Variants in CTNNA2 observed in about 807,000 individuals in gnomAD.
The protein encoded by CTNNA2 is catenin alpha 2, also known as catenin alpha-2.
In CTNNA2, 42 loss-of-function variants were observed where a neutral mutation model predicts 101.0. The ratio of observed to expected loss-of-function variants is 0.42; its 90% CI spans 0.32 to 0.54. The LOEUF is 0.54. CTNNA2 is among the 20% of genes least tolerant of loss of function. CTNNA2 has a pLI of 0.14. For synonymous variants in CTNNA2, 450 were observed against 456.4 expected, an observed-to-expected ratio of 0.99 and a Z score of 0.18; for missense variants, 871 against 1,223.1, an observed-to-expected ratio of 0.71 and a Z score of 4.29.
chr2:79,862,558 C>A (rs567806071), intron 4 of CTNNA2, among the ~76,000 whole-genome samples: 1 of 152,308 alleles, frequency 6.6e-6, no homozygotes, highest in African/African-American at 2.4e-5. Context: ...TTTAGCATAT[C>A]TTTTCTGTCA....
chr2:79,581,586 A>G (rs534652362), intron 1 of CTNNA2, among the ~76,000 whole-genome samples: 6 of 152,060 alleles, frequency 3.9e-5, no homozygotes, highest in Admixed American at 2.6e-4. Context: ...GCCTCTTCCC[A>G]TTTTTTTCAC....
intron 6 of CTNNA2, among the ~76,000 whole-genome samples, chr2:79,882,917 C>G (rs1024014863): frequency 1.1e-5 from 1 of 92,946 alleles, no homozygotes; most frequent in South Asian, 4.4e-4. Context: ...CATGCTCACT[C>G]ACTGCCTTCC....
chr2:79,843,283 A>G (rs1679966828), intron 3 of CTNNA2, among the ~76,000 whole-genome samples: 1 of 152,224 alleles, frequency 6.6e-6, no homozygotes, highest in African/African-American at 2.4e-5. Context: ...GTGGATAACA[A>G]ATAGATCTAT....
intron 9 of CTNNA2, among the ~76,000 whole-genome samples, chr2:80,494,363 A>G (rs374682516): frequency 2.6e-5 from 4 of 152,240 alleles, no homozygotes; most frequent in African/African-American, 9.6e-5. Flanking sequence ...TAAAGAACAG[A>G]CAAATATGAA....
At chr2:80,404,806 T>C (rs1037688385) in intron 8 of CTNNA2, among the ~76,000 whole-genome samples, 1 of 152,184 alleles carries the variant, frequency 6.6e-6, no homozygotes, top group Non-Finnish European at 1.5e-5. Context: ...GTTGGTACAA[T>C]TATTGGGTAA....
intron 7 of CTNNA2, among the ~76,000 whole-genome samples, chr2:79,960,356 A>G (rs1221244867): frequency 6.6e-6 from 1 of 152,220 alleles, no homozygotes; most frequent in Admixed American, 6.5e-5. Context: ...AGGAAACACA[A>G]TATTGTTTAT....
At chr2:79,300,709 G>A (rs1676088401) in intron 2 of CTNNA2, among the ~76,000 whole-genome samples, 1 of 152,094 alleles carries the variant, frequency 6.6e-6, no homozygotes, top group Admixed American at 6.6e-5. Flanking sequence ...AACTAGTTCA[G>A]ACTCTCATCA....
At chr2:79,547,490 C>G (rs1466675033) in intron 1 of CTNNA2, 1 of 152,510 alleles carries the variant, frequency 6.6e-6, no homozygotes, top group Non-Finnish European at 1.5e-5. Flanking sequence ...TGGCTTCTCT[C>G]CAGCAGGGTT....
At chr2:80,054,129 C>T (rs1043918097) in intron 7 of CTNNA2, among the ~76,000 whole-genome samples, 1 of 152,210 alleles carries the variant, frequency 6.6e-6, no homozygotes, top group African/African-American at 2.4e-5. Flanking sequence ...TTGTATGCCA[C>T]TGCTCAGTTT....
intron 7 of CTNNA2, among the ~76,000 whole-genome samples, chr2:80,245,538 T>C (rs1671253778): frequency 6.6e-6 from 1 of 152,152 alleles, no homozygotes; most frequent in Non-Finnish European, 1.5e-5. Flanking sequence ...ATTTCACTTC[T>C]GCCTTCTATG....
At chr2:80,431,684 T>G (rs1346164544) in intron 9 of CTNNA2, among the ~76,000 whole-genome samples, 1 of 152,192 alleles carries the variant, frequency 6.6e-6, no homozygotes, top group East Asian at 1.9e-4. Flanking sequence ...CCATCACTCC[T>G]TATTGTACTC....
At chr2:80,129,375 GCTGT>G (rs2148891883) in intron 7 of CTNNA2, among the ~76,000 whole-genome samples, 1 of 152,296 alleles carries the variant, frequency 6.6e-6, no homozygotes, top group Non-Finnish European at 1.5e-5. Flanking sequence ...GCGAGTTAAA[GCTGT>G]CAGTCAACTG....
chr2:79,245,221 C>T (rs943578094), intron 2 of CTNNA2, among the ~76,000 whole-genome samples: 14 of 152,132 alleles, frequency 9.2e-5, no homozygotes, highest in African/African-American at 3.4e-4. Flanking sequence ...GAGGCAGAGG[C>T]GGGCAGATCA....
chr2:79,594,791 G>T (rs979569615), intron 1 of CTNNA2, among the ~76,000 whole-genome samples: 3 of 151,684 alleles, frequency 2.0e-5, no homozygotes, highest in African/African-American at 7.3e-5. Context: ...TATACTCTGA[G>T]CCCACAAGCA....
chr2:80,465,380 T>C (rs1250403332), intron 9 of CTNNA2, among the ~76,000 whole-genome samples: 1 of 146,038 alleles, frequency 6.8e-6, no homozygotes, highest in Non-Finnish European at 1.5e-5. Flanking sequence ...TGTTTATTGG[T>C]GTACTTCCCT....
chr2:80,068,433 A>T (rs1432510235), intron 7 of CTNNA2, among the ~76,000 whole-genome samples: 1 of 152,152 alleles, frequency 6.6e-6, no homozygotes, highest in East Asian at 1.9e-4. Flanking sequence ...ATGGAGTTGA[A>T]TTTCCTTCAT....
intron 1 of CTNNA2, among the ~76,000 whole-genome samples, chr2:79,513,835 T>G (rs576280204): frequency 4.6e-5 from 7 of 152,120 alleles, no homozygotes; most frequent in Non-Finnish European, 1.5e-5. Flanking sequence ...ATATTTCCAG[T>G]GTGTGTCTCA....
intron 7 of CTNNA2, among the ~76,000 whole-genome samples, chr2:79,976,147 T>C (rs911394722): frequency 6.6e-6 from 1 of 152,196 alleles, no homozygotes; most frequent in African/African-American, 2.4e-5. Flanking sequence ...GAAGATCAAA[T>C]ATGTATTTCA....
At position 80,302,259 on chromosome 2, in the gene CTNNA2, C is replaced by T; in HGVS notation, c.1057-90952C>T. ...GAGAGCCACTGGGACAATCACACCT[C>T]GCATTCCCTCGCGGGCTGCTGGTGG... On this transcript the variant is annotated intron_variant, in intron 7 of 18. Coordinates refer to ENST00000402739, the MANE Select transcript of CTNNA2 (RefSeq NM_001282597.3). This position sits in a 1 kb window ranked among gnomAD's most constrained non-coding sequence, Gnocchi z 6.4. 6.2e-7 allele frequency: 1 copy of T among 1,612,770 alleles called. No individual in the cohort carries two copies. Among genetic ancestry groups the T allele is most frequent in the Non-Finnish European group, 8.5e-7 (1 of 1,179,362 alleles).
Sources: gnomAD v4.1 joint callset for allele counts (sites outside exome capture counted in the v4.1 genomes callset) on GRCh38, gnomAD v4.1.1 for gene constraint, Gnocchi (gnomAD v3.1) non-coding constraint, MANE v1.5 for transcripts, NCBI Gene and HGNC (gene_info 2026-07-23, HGNC 2026-07-21) for gene names.